DIO1: variants seen among roughly 807,000 people sequenced by gnomAD.
The protein encoded by DIO1 is iodothyronine deiodinase 1, also known as type I iodothyronine deiodinase.
Under a neutral mutation model 25.9 loss-of-function variants are expected in DIO1, and 17 were observed. The observed-to-expected ratio is 0.66, with a 90% CI of 0.45 to 0.98. The LOEUF is 0.98. Among genes scored for constraint, DIO1 ranks in the 50% least tolerant of loss-of-function variants. DIO1 has a pLI of 0.00. For missense variants in DIO1, 270 were observed against 310.4 expected (o/e 0.87, Z 0.98); for synonymous variants, 115 against 114.0 (o/e 1.01, Z -0.05).
At chr1:53,907,812 G>T (rs902738907) in intron 3 of DIO1, among the ~76,000 whole-genome samples, 18 of 149,878 alleles carry the variant, frequency 1.2e-4, no homozygotes, top group African/African-American at 4.2e-4. Flanking sequence ...TTGAGAGGCT[G>T]AAGCAGGAGA....
intron 1 of DIO1, among the ~76,000 whole-genome samples, chr1:53,895,284 G>A (rs6671330): frequency 6.6e-6 from 1 of 151,910 alleles, no homozygotes; most frequent in Non-Finnish European, 1.5e-5. Context: ...TTAGCCAGGC[G>A]TGGTGGTGTG....
At chr1:53,908,321 C>CA (rs1238221159) in intron 3 of DIO1, among the ~76,000 whole-genome samples, 1 of 152,174 alleles carries the variant, frequency 6.6e-6, no homozygotes, top group Non-Finnish European at 1.5e-5. Context: ...TACAGTGTCC[C>CA]AACTGCTGGG....
intron 2 of DIO1, 57 bp downstream of exon 2, chr1:53,904,866 T>C: frequency 6.4e-7 from 1 of 1,558,714 alleles, no homozygotes; most frequent in Non-Finnish European, 8.7e-7. Context: ...CTCTCTCCCT[T>C]TTCCCCAGGC....
At position 53,904,672 on chromosome 1, in the gene DIO1, G is replaced by A; in HGVS notation, c.344G>A (p.Arg115Lys). ...CNIWEFMQGN[R>K]PLVLNFGSCT... ...ATGGTTGTTGCTGTTTCAGGTAATA[G>A]GCCACTGGTGCTGAATTTTGGAAGT... The change falls in exon 2 of 4, where the codon AGG becomes AAG. Residue 115 changes from arginine to lysine, a missense_variant. Physicochemically the swap from Arg to Lys is conservative, Grantham distance 26. Transcript: ENST00000361921. The A allele has an allele frequency of 6.2e-7, 1 of 1,613,436 alleles. No individual in the cohort carries two copies.
chr1:53,904,779 G>A lies in DIO1; in HGVS notation c.451G>A (p.Val151Ile), dbSNP rs184097906. The A allele has an allele frequency of 3.7e-6, 6 of 1,612,604 alleles. No homozygotes were observed. In the South Asian group the frequency reaches 6.6e-5, roughly 18 times the overall value. The change falls in exon 2 of 4, where the codon GTC (valine) becomes ATC (isoleucine). Residue 151 changes from valine (V) to isoleucine (I), a missense_variant. Transcript: ENST00000361921. The stretch of plus-strand genomic sequence containing the variant: ...CTTTAGTTCCATAGCAGATTTTCTT[G>A]TCATTTACATTGAAGAAGCACATGC... ...EDFSSIADFL[V>I]IYIEEAHASD...
intron 1 of DIO1, 102 bp from the exon 2 acceptor site, chr1:53,904,564 G>A (rs1651544332): frequency 2.8e-6 from 4 of 1,449,794 alleles, no homozygotes; most frequent in East Asian, 4.7e-5. Flanking sequence ...TGGGGGGTAG[G>A]GGGAAATAAA....
chr1:53,907,835 C>T (rs1651730838), intron 3 of DIO1, among the ~76,000 whole-genome samples: 1 of 148,196 alleles, frequency 6.7e-6, no homozygotes, highest in African/African-American at 2.5e-5. Flanking sequence ...CGCTTGTACC[C>T]GGGAGGCAGA....
intron 1 of DIO1, 84 bp from the exon 2 acceptor site, chr1:53,904,582 G>A: frequency 6.6e-7 from 1 of 1,524,198 alleles, no homozygotes; most frequent in Non-Finnish European, 8.9e-7. Flanking sequence ...AAAAATAACA[G>A]AATTGAACAT....
intron 3 of DIO1, among the ~76,000 whole-genome samples, chr1:53,909,371 G>T (rs960905670): frequency 1.3e-5 from 2 of 151,998 alleles, no homozygotes; most frequent in African/African-American, 4.8e-5. Flanking sequence ...AATCAAGATT[G>T]CGCCATTGCA....
Position 53,910,228 on chromosome 1 carries a change from C to CCAGTTCCCTGTTGAAGAAA in DIO1, c.*249_*267dup, listed in dbSNP as rs1190289519. ...TGAAGCAACACTTGAGCTGTTCAGG[C>CCAGTTCCCTGTTGAAGAAA]CAGTTCCCTGTTGAAGAAACAGTTC... On this transcript the variant is annotated 3_prime_UTR_variant, in exon 4 of 4. Transcript: ENST00000361921. 3.7e-6 allele frequency: 2 copies of CCAGTTCCCTGTTGAAGAAA among 533,852 alleles called. No individual in the cohort carries two copies. Among genetic ancestry groups the CCAGTTCCCTGTTGAAGAAA allele is most frequent in the Admixed American group, 3.1e-5 (1 of 32,164 alleles). The allele number at this position is 533,852 out of a possible 1,614,324, so 33.1% of individuals were successfully genotyped here.
chr1:53,906,515 T>A (rs1419315109), intron 3 of DIO1, among the ~76,000 whole-genome samples: 2 of 152,192 alleles, frequency 1.3e-5, no homozygotes, highest in Non-Finnish European at 2.9e-5. Context: ...GATGAAATAA[T>A]GCACACGAAT....
rs1379437149 is a variant in DIO1 at position 53,898,760 on chromosome 1, A to AT, written c.337+4213_337+4214insT. Among the ~76,000 whole-genome samples the AT allele has an allele frequency of 2.7e-5, 4 of 148,368 alleles. 1 individual carries two copies. Among genetic ancestry groups the AT allele is most frequent in the Admixed American group, 6.8e-5 (1 of 14,736 alleles). ...ACTCTGTCTCAAAAAAAAAAAAAAA[A>AT]AAAGAGACATGTTGTAACTACTTTG... is the stretch of plus-strand genomic sequence containing the variant. On this transcript the variant is annotated intron_variant, in intron 1 of 3. Coordinates refer to ENST00000361921, the MANE Select transcript of DIO1 (RefSeq NM_000792.7).
chr1:53,901,787 G>A (rs747176008), intron 1 of DIO1, among the ~76,000 whole-genome samples: 14 of 152,030 alleles, frequency 9.2e-5, no homozygotes, highest in Non-Finnish European at 1.6e-4. Flanking sequence ...TCAGAAGGCT[G>A]AGGCAGGAGG....
chr1:53,904,898 G>A, intron 2 of DIO1, 89 bp downstream of exon 2: 1 of 1,434,926 alleles, frequency 7.0e-7, no homozygotes, highest in Non-Finnish European at 9.5e-7. Context: ...GTTGGGAGGT[G>A]GAAGGAGGAA....
intron 1 of DIO1, among the ~76,000 whole-genome samples, chr1:53,895,728 C>T (rs964403226): frequency 6.6e-6 from 1 of 152,228 alleles, no homozygotes; most frequent in Admixed American, 6.5e-5. Context: ...CAGGCTCTAG[C>T]TTTTCTTCTC....
Position 53,909,948 on chromosome 1 carries a change from G to A in DIO1, c.699G>A (p.Trp233Ter). The A allele has an allele frequency of 6.2e-7, 1 of 1,614,144 alleles. No individual in the cohort carries two copies. The highest frequency in any genetic ancestry group is 1.1e-5 in the South Asian group (1 of 91,072). Residue 233 changes from tryptophan to a stop codon, truncating the protein, a stop_gained, in exon 4 of 4, where the codon TGG (tryptophan) becomes TGA (stop). Coordinates refer to ENST00000361921, the MANE Select transcript of DIO1 (RefSeq NM_000792.7). LOFTEE classifies it high-confidence loss of function. ...RILYKGKSGP[W>*]NYNPEEVRAV... ...TCTTGCAGGGTAAATCTGGCCCTTG[G>A]AACTACAACCCAGAGGAAGTTCGTG...
Position 53,896,267 on chromosome 1 carries a change from G to T in DIO1, c.337+1720G>T, listed in dbSNP as rs568692489. ...GAGTCTCACTCTACTGCCCACGCTG[G>T]AGTGTAGGGGTATGATCACGACTCA... is the stretch of plus-strand genomic sequence containing the variant. On this transcript the variant is annotated intron_variant, in intron 1 of 3. Coordinates refer to ENST00000361921, the MANE Select transcript of DIO1 (RefSeq NM_000792.7). Among the ~76,000 whole-genome samples, 14 of 146,174 alleles carry T rather than the reference G, an allele frequency of 9.6e-5. 1 individual carries two copies. In the East Asian group the frequency reaches 2.6e-3, roughly 27 times the overall value.
At chr1:53,899,880 C>T (rs1440058599) in intron 1 of DIO1, among the ~76,000 whole-genome samples, 2 of 152,018 alleles carry the variant, frequency 1.3e-5, no homozygotes, top group Non-Finnish European at 2.9e-5. Context: ...GTTGCCCAGG[C>T]TTTTTGGGTT....
intron 1 of DIO1, among the ~76,000 whole-genome samples, chr1:53,900,289 A>G (rs2284454): frequency 0.23 from 34,613 of 151,854 alleles, 4,186 homozygotes; most frequent in African/African-American, 0.3. Flanking sequence ...CCTGTTCTAC[A>G]CCTCCCAGAG....
Sources: gnomAD v4.1 joint callset for allele counts (sites outside exome capture counted in the v4.1 genomes callset) on GRCh38, gnomAD v4.1.1 for gene constraint, MANE v1.5 for transcripts, NCBI Gene and HGNC (gene_info 2026-07-23, HGNC 2026-07-21) for gene names.